AFAP1: variants seen among roughly 807,000 people sequenced by gnomAD.
AFAP1 encodes actin filament associated protein 1.
Under a neutral mutation model 93.9 loss-of-function variants are expected in AFAP1, and 75 were observed. The observed-to-expected ratio is 0.80, with a 90% confidence interval of 0.66 to 0.97. The LOEUF (loss-of-function observed/expected upper bound fraction) is 0.97, where lower values mean the gene tolerates loss of function less well. Ranked by LOEUF, AFAP1 falls within the 50% of genes least tolerant of loss-of-function variation. The pLI is 0.00. For missense variants in AFAP1, 1,201 were observed against 1,050.8 expected (o/e 1.14, Z -1.98); for synonymous variants, 517 against 430.7 (o/e 1.20, Z -2.48).
chr4:7,929,706 C>A (rs573079194), intron 1 of AFAP1, among the ~76,000 whole-genome samples: 12 of 152,306 alleles, frequency 7.9e-5, no homozygotes, highest in African/African-American at 2.9e-4. Flanking sequence ...GCAGGCCCCA[C>A]CTGGGCTGGA....
chr4:7,768,505 G>T (rs1274636080), intron 17 of AFAP1, among the ~76,000 whole-genome samples: 1 of 152,142 alleles, frequency 6.6e-6, no homozygotes, highest in Admixed American at 6.5e-5. Flanking sequence ...GAGGACTTCA[G>T]CGGTCTCCTG....
intron 1 of AFAP1, among the ~76,000 whole-genome samples, chr4:7,910,590 G>A (rs1487776833): frequency 6.6e-6 from 1 of 152,192 alleles, no homozygotes; most frequent in Non-Finnish European, 1.5e-5. Context: ...CACGGATTCT[G>A]CTCACAACAG....
At chr4:7,768,171 C>T (rs1714886880) in intron 17 of AFAP1, among the ~76,000 whole-genome samples, 1 of 152,270 alleles carries the variant, frequency 6.6e-6, no homozygotes, top group South Asian at 2.1e-4. Context: ...GCCGGCCACA[C>T]TCCTGTGGCT....
intron 8 of AFAP1, among the ~76,000 whole-genome samples, chr4:7,812,923 G>A (rs1033267279): frequency 2.0e-5 from 3 of 152,120 alleles, no homozygotes; most frequent in Non-Finnish European, 4.4e-5. Context: ...AAGTGGGGCT[G>A]AGGAGCCTCA....
chr4:7,772,655 C>T (rs1435656002), intron 16 of AFAP1, 165 bp downstream of exon 16: 15 of 631,252 alleles, frequency 2.4e-5, no homozygotes, highest in South Asian at 4.3e-5. Flanking sequence ...CAGGCCCGGC[C>T]GATGAAAGTG....
At chr4:7,899,123 AAT>A (rs1297959285) in intron 1 of AFAP1, among the ~76,000 whole-genome samples, 1 of 152,034 alleles carries the variant, frequency 6.6e-6, no homozygotes, top group Admixed American at 6.6e-5. Context: ...ATTTCAAAAT[AAT>A]ATGATGAATA....
chr4:7,826,625 C>A (rs1229719625), intron 6 of AFAP1, among the ~76,000 whole-genome samples: 1 of 152,246 alleles, frequency 6.6e-6, no homozygotes, highest in Non-Finnish European at 1.5e-5. Flanking sequence ...ATTTTCACCA[C>A]GGGTCTTGGG....
chr4:7,933,310 C>T (rs1307391889), intron 1 of AFAP1, among the ~76,000 whole-genome samples: 1 of 152,192 alleles, frequency 6.6e-6, no homozygotes, highest in Non-Finnish European at 1.5e-5. Context: ...CACGGTGGCT[C>T]ACGCCTGTAA....
In AFAP1 at chr4:7,778,851, G is replaced by T. The variant is rs771513153; in HGVS notation, c.1808C>A (p.Ala603Glu). 1.2e-5 allele frequency: 20 copies of T among 1,613,580 alleles called. No homozygotes were observed. Among genetic ancestry groups the T allele is most frequent in the Middle Eastern group, 1.6e-4 (1 of 6,082 alleles). The change falls in exon 14 of 18, where the codon GCG becomes GAG. Residue 603 changes from alanine to glutamate, a missense_variant. Coordinates refer to ENST00000420658, the MANE Select transcript of AFAP1 (RefSeq NM_001134647.2). ...SQLKGKKPPV[A>E]SNGVTGKGKT... Reference sequence around the variant, plus strand: ...CCCTTTTCCTGTGACCCCATTAGACGCCACGGGGGGCTTTTTACCCTTGAG... The same window carrying T: ...CCCTTTTCCTGTGACCCCATTAGACTCCACGGGGGGCTTTTTACCCTTGAG...
chr4:7,921,181 C>CT lies in AFAP1; in HGVS notation c.-3+18474dup, dbSNP rs34764139. Among the ~76,000 whole-genome samples, 495 of 95,086 alleles carry CT rather than the reference C, an allele frequency of 5.2e-3. 28 individuals carry two copies. Among genetic ancestry groups the CT allele is most frequent in the East Asian group, 0.023 (65 of 2,800 alleles). The allele number at this position is 95,086 out of a possible 152,430, so 62.4% of individuals were successfully genotyped here. ...CCTACCCTATAAAATGAGAGCAAAACTTTTTTTTTTTTTTTTTTTTGAGAT... is the reference window on the plus strand; with the variant it reads ...CCTACCCTATAAAATGAGAGCAAAACTTTTTTTTTTTTTTTTTTTTTGAGAT... On this transcript the variant is annotated intron_variant, in intron 1 of 17. Coordinates refer to ENST00000420658, the MANE Select transcript of AFAP1 (RefSeq NM_001134647.2).
Position 7,936,645 on chromosome 4 carries a change from A to G in AFAP1, c.-3+3011T>C, listed in dbSNP as rs184054740. Among the ~76,000 whole-genome samples the G allele has an allele frequency of 4.1e-3, 616 of 150,300 alleles. 4 individuals are homozygous for G. The highest frequency in any genetic ancestry group is 0.014 in the African/African-American group (589 of 40,626). On this transcript the variant is annotated intron_variant, in intron 1 of 17. Transcript: ENST00000420658. Reference sequence around the variant, plus strand: ...CACCCAGGCTGGAGTGCAGTGGTACAATATCGGCTCACTGCAATCTCTGCC... The same window carrying G: ...CACCCAGGCTGGAGTGCAGTGGTACGATATCGGCTCACTGCAATCTCTGCC...
At chr4:7,929,759 C>T (rs139894205) in intron 1 of AFAP1, among the ~76,000 whole-genome samples, 30 of 152,314 alleles carry the variant, frequency 2.0e-4, no homozygotes, top group Non-Finnish European at 3.8e-4. Flanking sequence ...TCAGGAACTA[C>T]TGAATGAGGG....
chr4:7,788,617 A>C (rs1436141783), intron 11 of AFAP1: 1 of 152,264 alleles, frequency 6.6e-6, no homozygotes, highest in Admixed American at 6.5e-5. Flanking sequence ...GCACAGCAAA[A>C]CTTGAACATT....
At chr4:7,889,005 T>C (rs571758458) in intron 1 of AFAP1, among the ~76,000 whole-genome samples, 30 of 152,154 alleles carry the variant, frequency 2.0e-4, no homozygotes, top group Non-Finnish European at 4.1e-4. Context: ...TTGGCCAGAC[T>C]GGTCTCGAAC....
At chr4:7,783,873 G>A (rs948616252) in intron 12 of AFAP1, among the ~76,000 whole-genome samples, 1 of 152,204 alleles carries the variant, frequency 6.6e-6, no homozygotes, top group East Asian at 1.9e-4. Flanking sequence ...GGGTCTTTGG[G>A]GGGGACGGGC....
At chr4:7,882,216 C>A (rs9330347) in intron 1 of AFAP1, among the ~76,000 whole-genome samples, 50,461 of 132,256 alleles carry the variant, frequency 0.38, 9,545 homozygotes, top group Non-Finnish European at 0.52. Context: ...ATAGATAATT[C>A]ATTTCATAAG....
rs972725180 is a variant in AFAP1 at position 7,939,859 on chromosome 4, G to C, written c.-206C>G. The stretch of plus-strand genomic sequence containing the variant: ...CCGGCGTGGGGCTGCGGCCGGGACA[G>C]ACACCACGCAGGCGCACACGGCCCC... On this transcript the variant is annotated 5_prime_UTR_variant, in exon 1 of 18. Transcript: ENST00000420658. The surrounding 1 kb of genome is among the most constrained non-coding windows in gnomAD (Gnocchi z 5.6). 4.3e-6 allele frequency: 1 copy of C among 234,468 alleles called. No individual in the cohort carries two copies. Among genetic ancestry groups the C allele is most frequent in the Non-Finnish European group, 8.4e-6 (1 of 118,760 alleles). 14.5% of individuals were successfully genotyped at this position (234,468 alleles called of 1,614,324 possible). A position where few individuals can be genotyped will look rare whatever the true frequency, so the allele number is the denominator to read the frequency against.
chr4:7,906,056 A>T (rs1478571281), intron 1 of AFAP1, among the ~76,000 whole-genome samples: 1 of 152,212 alleles, frequency 6.6e-6, no homozygotes, highest in East Asian at 1.9e-4. Flanking sequence ...CTCCAAAATG[A>T]ATAGAAACCT....
Position 7,763,647 on chromosome 4 carries a change from G to A in AFAP1, c.*118C>T. 8.0e-7 allele frequency: 1 copy of A among 1,243,064 alleles called. No homozygotes were observed. The highest frequency in any genetic ancestry group is 1.1e-6 in the Non-Finnish European group (1 of 873,522). The allele number at this position is 1,243,064 out of a possible 1,614,324, so 77.0% of individuals were successfully genotyped here. On this transcript the variant is annotated 3_prime_UTR_variant, in exon 18 of 18. Coordinates refer to ENST00000420658, the MANE Select transcript of AFAP1 (RefSeq NM_001134647.2). ...GGCACTGGCCTCAGAGCTCAGTCGT[G>A]GAGCCTCTGGAGTCGTGCAGCTGAG...
Sources: allele counts gnomAD v4.1 joint callset (sites outside exome capture counted in the v4.1 genomes callset), GRCh38; gene constraint gnomAD v4.1.1; non-coding constraint Gnocchi (gnomAD v3.1); transcripts MANE v1.5; gene names NCBI Gene and HGNC (gene_info 2026-07-23, HGNC 2026-07-21).